ADNP2: variants seen among roughly 807,000 people sequenced by gnomAD.
ADNP2 encodes activity-dependent neuroprotector homeobox protein 2.
Under a neutral mutation model 16.4 loss-of-function variants are expected in ADNP2, and 8 were observed. The ratio of observed to expected loss-of-function variants is 0.49; its 90% confidence interval spans 0.29 to 0.88. The LOEUF (loss-of-function observed/expected upper bound fraction) is 0.88, where lower values mean the gene tolerates loss of function less well. Ranked by LOEUF, ADNP2 falls within the 40% of genes least tolerant of loss-of-function variation. The pLI is 0.09. For synonymous variants in ADNP2, 637 were observed against 545.8 expected, an observed-to-expected ratio of 1.17 and a Z score of -2.33; for missense variants, 1,397 against 1,395.1, an observed-to-expected ratio of 1.00 and a Z score of -0.02.
intron 2 of ADNP2, among the ~76,000 whole-genome samples, chr18:80,126,747 A>G (rs146637157): frequency 1.3e-5 from 2 of 152,184 alleles, no homozygotes; most frequent in Admixed American, 1.3e-4. Context: ...TTCTCATCAG[A>G]TTTGGAAAAT....
In ADNP2 at chr18:80,138,984, T is replaced by C. The variant is rs1273212198; in HGVS notation, c.*175T>C. ...CCTGTTACCAGGAAGCCAGTAGTTA[T>C]TTCACATCTATTGTTTCCTGCAGTT... On this transcript the variant is annotated 3_prime_UTR_variant, in exon 4 of 4. Transcript: ENST00000262198. The C allele has an allele frequency of 4.0e-6, 2 of 505,922 alleles. No individual in the cohort carries two copies. The highest frequency in any genetic ancestry group is 3.9e-5 in the Admixed American group (1 of 25,836). 31.3% of individuals were successfully genotyped at this position (505,922 alleles called of 1,614,324 possible).
intron 2 of ADNP2, among the ~76,000 whole-genome samples, chr18:80,132,027 G>C (rs893730006): frequency 6.6e-6 from 1 of 152,086 alleles, no homozygotes; most frequent in African/African-American, 2.4e-5. Flanking sequence ...GTACTTTTTT[G>C]TTTCTTTATA....
chr18:80,124,513 G>A (rs1278777313), intron 2 of ADNP2, among the ~76,000 whole-genome samples: 1 of 152,170 alleles, frequency 6.6e-6, no homozygotes, highest in African/African-American at 2.4e-5. Flanking sequence ...ATAGGGGAAG[G>A]GACTAGAGCT....
At chr18:80,122,507 G>A (rs148976780) in intron 2 of ADNP2, among the ~76,000 whole-genome samples, 127 of 152,124 alleles carry the variant, frequency 8.3e-4, no homozygotes, top group African/African-American at 2.9e-3. Flanking sequence ...AATTTCTTTC[G>A]ACAGTGCTTT....
intron 2 of ADNP2, among the ~76,000 whole-genome samples, chr18:80,125,921 A>G (rs1391400075): frequency 6.6e-6 from 1 of 152,202 alleles, no homozygotes; most frequent in South Asian, 2.1e-4. Flanking sequence ...GAGTAGTTGT[A>G]TGAGAGACTC....
rs779015357 is a variant in ADNP2, at chr18:80,136,806, G to T, written c.1393G>T (p.Val465Phe). 1.9e-5 allele frequency: 30 copies of T among 1,607,866 alleles called. No homozygotes were observed. Among genetic ancestry groups the T allele is most frequent in the Non-Finnish European group, 2.5e-5 (29 of 1,174,704 alleles). ...TGCAGGCCAGATGACTCCTGCAGGG[G>T]TTATCCCTGGGCAAACAGCAACTTC... is the stretch of plus-strand genomic sequence containing the variant. ...TPAGQMTPAGVIPGQTATSGV... is the reference protein window; with the variant it reads ...TPAGQMTPAGFIPGQTATSGV... Residue 465 changes from valine to phenylalanine, a missense_variant, in exon 4 of 4, where the codon GTT (valine) becomes TTT (phenylalanine). By Grantham distance (50) the Val-to-Phe change is conservative. Coordinates refer to ENST00000262198, the MANE Select transcript of ADNP2 (RefSeq NM_014913.4).
rs1334788175 is a variant in ADNP2 at position 80,140,055 on chromosome 18, T to A, written c.*1246T>A. On this transcript the variant is annotated 3_prime_UTR_variant, in exon 4 of 4. Transcript: ENST00000262198. ...GAGACCAGCCAGTTTAGATGGTAAG[T>A]CATATTTCTGGTGGTACACAGCAGA... 1.3e-5 allele frequency: 2 copies of A among 152,212 alleles called. No individual in the cohort carries two copies. Among genetic ancestry groups the A allele is most frequent in the African/African-American group, 4.8e-5 (2 of 41,448 alleles). The allele number at this position is 152,212 out of a possible 1,614,324, so 9.4% of individuals were successfully genotyped here.
intron 2 of ADNP2, among the ~76,000 whole-genome samples, chr18:80,123,981 C>T (rs553889789): frequency 2.0e-5 from 3 of 152,280 alleles, no homozygotes; most frequent in East Asian, 3.9e-4. Context: ...TTACCCACCT[C>T]GGTGTCCCAA....
At position 80,109,421 on chromosome 18, in the gene ADNP2, C is replaced by G. The variant is rs1011092763; in HGVS notation, c.-65C>G. The stretch of plus-strand genomic sequence containing the variant: ...CGGCTGCGCTCGGCGGAAGACGCGG[C>G]AGCCCTGCGAGAGGCAGCAGCGGAG... On this transcript the variant is annotated 5_prime_UTR_variant, in exon 1 of 4. Coordinates refer to ENST00000262198, the MANE Select transcript of ADNP2 (RefSeq NM_014913.4). 6.7e-6 allele frequency: 1 copy of G among 148,278 alleles called. No individual in the cohort carries two copies. The highest frequency in any genetic ancestry group is 2.4e-5 in the African/African-American group (1 of 41,042). The allele number at this position is 148,278 out of a possible 1,614,324, so 9.2% of individuals were successfully genotyped here.
At position 80,138,022 on chromosome 18, in the gene ADNP2, C is replaced by T. The variant is rs779843527; in HGVS notation, c.2609C>T (p.Thr870Ile). ...CAGGCTGAGGGCACCCCCGGGAGCA[C>T]CGGCAAGCGAGTGTCCACCTGCCCC... ...RPQAEGTPGS[T>I]GKRVSTCPFC... The change falls in exon 4 of 4, where the codon ACC (threonine) becomes ATC (isoleucine). Residue 870 changes from threonine to isoleucine, a missense_variant. Physicochemically the swap from Thr to Ile is moderately conservative, Grantham distance 89. Transcript: ENST00000262198. The T allele has an allele frequency of 6.2e-6, 10 of 1,613,556 alleles. No individual in the cohort carries two copies. In the African/African-American group the frequency reaches 9.3e-5, roughly 15 times the overall value.
chr18:80,120,843 T>G (rs934507763), intron 2 of ADNP2, among the ~76,000 whole-genome samples: 2 of 152,048 alleles, frequency 1.3e-5, no homozygotes, highest in Non-Finnish European at 2.9e-5. Flanking sequence ...TTAGTAGAGA[T>G]GGGGTTTCAC....
At chr18:80,134,703 C>A (rs753359584) in intron 3 of ADNP2, among the ~76,000 whole-genome samples, 1 of 151,994 alleles carries the variant, frequency 6.6e-6, no homozygotes, top group Non-Finnish European at 1.5e-5. Context: ...GCTTTTAGGC[C>A]GCGAACTTGT....
At position 80,137,083 on chromosome 18, in the gene ADNP2, G is replaced by T; in HGVS notation, c.1670G>T (p.Gly557Val). 1.2e-6 allele frequency: 2 copies of T among 1,613,490 alleles called. No homozygotes were observed. Among genetic ancestry groups the T allele is most frequent in the Non-Finnish European group, 1.7e-6 (2 of 1,179,970 alleles). The change falls in exon 4 of 4, where the codon GGC becomes GTC. Residue 557 changes from glycine to valine, a missense_variant. Physicochemically the swap from Gly to Val is moderately radical, Grantham distance 109 (BLOSUM62 -3). Transcript: ENST00000262198. The surrounding 1 kb of genome is among the most constrained non-coding windows in gnomAD (Gnocchi z 4.2). The stretch of plus-strand genomic sequence containing the variant: ...GTTGTGTCGGGAGTTCTTCCTGTGG[G>T]CCAGCCAGTGAGGCCTGGGGTCTTG... ...QPVVSGVLPVGQPVRPGVLQL... is the reference protein window; with the variant it reads ...QPVVSGVLPVVQPVRPGVLQL...
rs1430673780 is a variant in ADNP2 at position 80,136,168 on chromosome 18, C to T, written c.755C>T (p.Ser252Leu). The change falls in exon 4 of 4, where the codon TCA (serine) becomes TTA (leucine). Residue 252 changes from serine to leucine, a missense_variant. Physicochemically the swap from Ser to Leu is moderately radical, Grantham distance 145 (BLOSUM62 -2). Transcript: ENST00000262198. ...GAGAATAAGCTTAGATCTGTGATTT[C>T]AGAACATATTAAGAGGACTGGACTC... ...DLENKLRSVI[S>L]EHIKRTGLLK... 1.2e-6 allele frequency: 2 copies of T among 1,614,110 alleles called. No homozygotes were observed. The highest frequency in any genetic ancestry group is 1.7e-6 in the Non-Finnish European group (2 of 1,180,046).
chr18:80,119,193 A>G (rs1298272043), intron 2 of ADNP2, among the ~76,000 whole-genome samples: 1 of 152,088 alleles, frequency 6.6e-6, no homozygotes, highest in Non-Finnish European at 1.5e-5. Context: ...ACCTTTTTCC[A>G]TGTGAAGTGC....
At chr18:80,119,084 C>G (rs375903055) in intron 2 of ADNP2, among the ~76,000 whole-genome samples, 1 of 152,036 alleles carries the variant, frequency 6.6e-6, no homozygotes, top group Non-Finnish European at 1.5e-5. Context: ...TTTTTAAAAA[C>G]GGGATATATT....
At chr18:80,110,996 C>G (rs2052353635) in intron 1 of ADNP2, among the ~76,000 whole-genome samples, 1 of 152,126 alleles carries the variant, frequency 6.6e-6, no homozygotes, top group South Asian at 2.1e-4. Flanking sequence ...AATTTGAACC[C>G]AAGTTTGCAA....
chr18:80,121,907 T>G (rs2052427588), intron 2 of ADNP2, among the ~76,000 whole-genome samples: 2 of 152,108 alleles, frequency 1.3e-5, no homozygotes. Flanking sequence ...TCTATCCTTA[T>G]AACAATCCTA....
chr18:80,117,599 G>C lies in ADNP2; in HGVS notation c.57G>C (p.Val19=). ...ACATCAGAAAGGTGCGAAAAAAGGTGAAAGGTATTCTTGTGGATATTGGGC... is the reference window on the plus strand; with the variant it reads ...ACATCAGAAAGGTGCGAAAAAAGGTCAAAGGTATTCTTGTGGATATTGGGC... ...LDNIRKVRKK[V]KGILVDIGLD... is the part of the protein sequence containing the mutation. The change falls in exon 2 of 4, where the codon GTG becomes GTC. Residue 19 remains valine (V), a synonymous_variant. Transcript: ENST00000262198. 1 of 1,607,010 alleles carries C rather than the reference G, an allele frequency of 6.2e-7. No individual in the cohort carries two copies. The highest frequency in any genetic ancestry group is 8.5e-7 in the Non-Finnish European group (1 of 1,178,066).
Sources: allele counts gnomAD v4.1 joint callset (sites outside exome capture counted in the v4.1 genomes callset), GRCh38; gene constraint gnomAD v4.1.1; non-coding constraint Gnocchi (gnomAD v3.1); transcripts MANE v1.5; gene names NCBI Gene and HGNC (gene_info 2026-07-23, HGNC 2026-07-21).